Variants in MTUS2 observed in about 807,000 individuals in gnomAD.
MTUS2 encodes the protein microtubule associated scaffold protein 2.
In MTUS2, 40 loss-of-function variants were observed where a neutral mutation model predicts 114.1. The observed-to-expected ratio is 0.35, with a 90% confidence interval of 0.27 to 0.46. MTUS2 has a LOEUF of 0.46. Ranked by LOEUF, MTUS2 falls within the 20% of genes least tolerant of loss-of-function variation. The pLI is 1.00. For missense variants in MTUS2, 1,679 were observed against 1,705.4 expected, an observed-to-expected ratio of 0.98 and a Z score of 0.27; for synonymous variants, 688 against 672.0, an observed-to-expected ratio of 1.02 and a Z score of -0.37.
chr13:28,908,859 T>G (rs1274003987), intron 2 of MTUS2, among the ~76,000 whole-genome samples: 7 of 151,686 alleles, frequency 4.6e-5, no homozygotes, highest in Admixed American at 3.3e-4. Context: ...CTTGAATTAA[T>G]TTTTGTATAA....
At chr13:29,495,182 A>G in intron 12 of MTUS2, among the ~76,000 whole-genome samples, 1 of 46,266 alleles carries the variant, frequency 2.2e-5, no homozygotes, top group Non-Finnish European at 3.8e-5. Context: ...ACTCCGTCTC[A>G]AAAAAAAAAA....
intron 5 of MTUS2, among the ~76,000 whole-genome samples, chr13:29,103,375 A>G (rs1476187779): frequency 6.6e-6 from 1 of 152,250 alleles, no homozygotes; most frequent in Non-Finnish European, 1.5e-5. Flanking sequence ...TAGAGCATTT[A>G]CTGTACTAAA....
intron 2 of MTUS2, among the ~76,000 whole-genome samples, chr13:28,897,296 A>G (rs1272489326): frequency 6.6e-6 from 1 of 152,240 alleles, no homozygotes; most frequent in Non-Finnish European, 1.5e-5. Context: ...ACACATGAAA[A>G]AATGCTCATC....
chr13:29,118,282 A>G (rs1891170510), intron 5 of MTUS2, among the ~76,000 whole-genome samples: 1 of 151,704 alleles, frequency 6.6e-6, no homozygotes. Flanking sequence ...ATAACATTCC[A>G]CAGGGGAGGA....
At chr13:28,928,449 A>G (rs9551572) in intron 2 of MTUS2, among the ~76,000 whole-genome samples, 12,766 of 152,340 alleles carry the variant, frequency 0.084, 597 homozygotes, top group South Asian at 0.13. Context: ...AAAAATCTAA[A>G]TAGACATTTC....
intron 5 of MTUS2, among the ~76,000 whole-genome samples, chr13:29,169,672 T>C (rs1226939724): frequency 6.6e-6 from 1 of 152,242 alleles, no homozygotes; most frequent in Non-Finnish European, 1.5e-5. Context: ...CCTCCTCTTA[T>C]CTATCACTTT....
intron 6 of MTUS2, among the ~76,000 whole-genome samples, chr13:29,314,467 C>T (rs571473149): frequency 6.6e-6 from 1 of 152,140 alleles, no homozygotes; most frequent in East Asian, 1.9e-4. Flanking sequence ...TTTGACGTAA[C>T]CAAAAATGGT....
At chr13:29,217,103 A>C (rs938599446) in intron 5 of MTUS2, among the ~76,000 whole-genome samples, 2 of 152,186 alleles carry the variant, frequency 1.3e-5, no homozygotes, top group African/African-American at 4.8e-5. Context: ...GTAGACCTCT[A>C]CTCAACCCCA....
At chr13:29,307,863 C>T (rs2139630594) in intron 6 of MTUS2, 6 of 611,514 alleles carry the variant, frequency 9.8e-6, no homozygotes, top group Admixed American at 2.4e-5. Context: ...CTTAGTCCCC[C>T]TCCACACTGA....
chr13:29,214,768 C>G (rs1006185527), intron 5 of MTUS2, among the ~76,000 whole-genome samples: 2 of 152,272 alleles, frequency 1.3e-5, no homozygotes, highest in African/African-American at 4.8e-5. Flanking sequence ...GGTAACCTGA[C>G]CTTTCTCTCT....
At chr13:28,881,119 C>T (rs1878262125) in intron 2 of MTUS2, among the ~76,000 whole-genome samples, 1 of 152,170 alleles carries the variant, frequency 6.6e-6, no homozygotes, top group South Asian at 2.1e-4. Flanking sequence ...TTTTTAAGCC[C>T]TCACTGCCCC....
At chr13:28,965,121 T>C (rs541181775) in intron 2 of MTUS2, among the ~76,000 whole-genome samples, 6 of 152,338 alleles carry the variant, frequency 3.9e-5, no homozygotes, top group Non-Finnish European at 5.9e-5. Flanking sequence ...ACACGGATGG[T>C]TGTGATTTAT....
intron 5 of MTUS2, among the ~76,000 whole-genome samples, chr13:29,206,951 G>T (rs1466769422): frequency 6.6e-6 from 1 of 152,020 alleles, no homozygotes; most frequent in Admixed American, 6.5e-5. Flanking sequence ...AAGAATGATG[G>T]CGGTATTTTG....
At chr13:29,442,256 A>G (rs1445971401) in intron 9 of MTUS2, among the ~76,000 whole-genome samples, 1 of 152,178 alleles carries the variant, frequency 6.6e-6, no homozygotes, top group African/African-American at 2.4e-5. Context: ...TTTTTTTCAC[A>G]GTATCAAGGC....
intron 5 of MTUS2, among the ~76,000 whole-genome samples, chr13:29,133,382 C>T (rs1891847506): frequency 1.3e-5 from 2 of 152,088 alleles, no homozygotes; most frequent in Non-Finnish European, 2.9e-5. Context: ...CTCAGATTTT[C>T]TTTTATTGTC....
At chr13:29,069,361 T>C (rs1367671397) in intron 4 of MTUS2, among the ~76,000 whole-genome samples, 1 of 152,156 alleles carries the variant, frequency 6.6e-6, no homozygotes, top group Non-Finnish European at 1.5e-5. Flanking sequence ...AAAAGATTGA[T>C]GTCCTAGTTC....
chr13:29,187,517 G>A (rs1593576442), intron 5 of MTUS2, among the ~76,000 whole-genome samples: 1 of 152,276 alleles, frequency 6.6e-6, no homozygotes, highest in East Asian at 1.9e-4. Context: ...TTACTAGGAA[G>A]AAAACTGTTT....
rs1369618251 is a variant in MTUS2 at position 29,029,233 on chromosome 13, A to G, written c.2205+2330A>G. ...AGAGAGGATTCTGGCTGGAGAATTC[A>G]GGGGTCCAGTCAGCTTGGCAGGGGT... On this transcript the variant is annotated intron_variant, in intron 3 of 15. Coordinates refer to ENST00000612955, the MANE Select transcript of MTUS2 (RefSeq NM_001033602.4). Among the ~76,000 whole-genome samples the G allele has an allele frequency of 3.9e-5, 6 of 152,182 alleles. No homozygotes were observed. The East Asian group carries it at 9.6e-4, about 24-fold the overall frequency.
intron 5 of MTUS2, among the ~76,000 whole-genome samples, chr13:29,200,521 G>GGTTTTT (rs1309388936): frequency 1.2e-5 from 1 of 85,432 alleles, no homozygotes; most frequent in African/African-American, 5.0e-5. Flanking sequence ...TTCTTTTTCT[G>GGTTTTT]TTTTTTTTTT....
Sources: gnomAD v4.1 joint callset for allele counts (sites outside exome capture counted in the v4.1 genomes callset) on GRCh38, gnomAD v4.1.1 for gene constraint, MANE v1.5 for transcripts, NCBI Gene and HGNC (gene_info 2026-07-23, HGNC 2026-07-21) for gene names.